LGR4: variants seen among roughly 807,000 people sequenced by gnomAD.
LGR4 encodes the protein leucine rich repeat containing G protein-coupled receptor 4.
A neutral mutation model predicts 84.8 loss-of-function variants in LGR4; 44 were observed. The ratio of observed to expected loss-of-function variants is 0.52; its 90% CI spans 0.41 to 0.67. LGR4 has a LOEUF of 0.67. Among genes scored for constraint, LGR4 ranks in the 30% least tolerant of loss-of-function variants. LGR4 has a pLI of 0.00. For missense variants in LGR4, 1,032 were observed against 1,131.4 expected (o/e 0.91, Z 1.26); for synonymous variants, 429 against 434.3 (o/e 0.99, Z 0.15).
At chr11:27,462,061 G>T (rs1864694279) in intron 1 of LGR4, among the ~76,000 whole-genome samples, 1 of 151,932 alleles carries the variant, frequency 6.6e-6, no homozygotes, top group East Asian at 1.9e-4. Flanking sequence ...TCGAACTCCT[G>T]ATCTCAGGTA....
chr11:27,471,546 G>A (rs1338570885), intron 1 of LGR4, among the ~76,000 whole-genome samples: 1 of 152,226 alleles, frequency 6.6e-6, no homozygotes, highest in Non-Finnish European at 1.5e-5. Flanking sequence ...GGTAGGTGCC[G>A]GGACGCACTA....
intron 1 of LGR4, among the ~76,000 whole-genome samples, chr11:27,463,851 T>C (rs1486927753): frequency 6.6e-6 from 1 of 152,208 alleles, no homozygotes; most frequent in Non-Finnish European, 1.5e-5. Flanking sequence ...ATTCATTTAA[T>C]GTTCCCTTCT....
At chr11:27,459,501 G>C (rs1234578624) in intron 1 of LGR4, among the ~76,000 whole-genome samples, 2 of 150,614 alleles carry the variant, frequency 1.3e-5, no homozygotes, top group Non-Finnish European at 3.0e-5. Flanking sequence ...TTTTGAGACA[G>C]AGTCTTGCTC....
intron 5 of LGR4, among the ~76,000 whole-genome samples, 176 bp downstream of exon 5, chr11:27,385,077 C>G (rs1863161200): frequency 6.6e-6 from 1 of 152,166 alleles, no homozygotes; most frequent in Non-Finnish European, 1.5e-5. Flanking sequence ...TTATCATCAG[C>G]TGGTAATGTT....
At chr11:27,377,254 C>G in intron 11 of LGR4, 31 bp from the exon 12 acceptor site, 1 of 1,130,444 alleles carries the variant, frequency 8.8e-7, no homozygotes, top group Non-Finnish European at 1.3e-6. Flanking sequence ...CAAATTAATG[C>G]TATGTTATCA....
At chr11:27,467,347 C>T (rs1271037325) in intron 1 of LGR4, among the ~76,000 whole-genome samples, 1 of 151,862 alleles carries the variant, frequency 6.6e-6, no homozygotes, top group African/African-American at 2.4e-5. Flanking sequence ...GCAGGAGGAC[C>T]ACGAGGTCAG....
At position 27,371,682 on chromosome 11, in the gene LGR4, T is replaced by G; in HGVS notation, c.1512A>C (p.Ala504=). The G allele has an allele frequency of 1.9e-6, 3 of 1,612,098 alleles. No homozygotes were observed. Among genetic ancestry groups the G allele is most frequent in the Non-Finnish European group, 2.5e-6 (3 of 1,178,622 alleles). ...VAQEKGTADA[A]NVTSTLENEE... ...CATTTTCAAGAGTGCTTGTGACATT[T>G]GCTGCATCAGCAGTACCTGAACATA... is the stretch of plus-strand genomic sequence containing the variant. Residue 504 remains alanine, a synonymous_variant, in exon 17 of 18, where the codon GCA becomes GCC. Coordinates refer to ENST00000379214, the MANE Select transcript of LGR4 (RefSeq NM_018490.5).
chr11:27,419,271 C>T (rs1471021773), intron 1 of LGR4, among the ~76,000 whole-genome samples: 1 of 152,062 alleles, frequency 6.6e-6, no homozygotes, highest in African/African-American at 2.4e-5. Flanking sequence ...ACAGATACTT[C>T]ACCAAATAAG....
At position 27,374,009 on chromosome 11, in the gene LGR4, T is replaced by C. The variant is rs1233701317; in HGVS notation, c.1219A>G (p.Arg407Gly). Residue 407 changes from arginine to glycine, a missense_variant, in exon 14 of 18, where the codon AGA (arginine) becomes GGA (glycine). Physicochemically the swap from Arg to Gly is moderately radical, Grantham distance 125. Transcript: ENST00000379214. Reference sequence around the variant, plus strand: ...ATTGGCCCAAGTGTGGCAAAAGCTCTACTGTGAATTTCATGTATCAGGTTT... The same window carrying C: ...ATTGGCCCAAGTGTGGCAAAAGCTCCACTGTGAATTTCATGTATCAGGTTT... ...SRNLIHEIHS[R>G]AFATLGPITN... 8 of 1,612,232 alleles carry C rather than the reference T, an allele frequency of 5.0e-6. No individual in the cohort carries two copies. In the South Asian group the frequency reaches 7.7e-5, roughly 15 times the overall value.
intron 17 of LGR4, among the ~76,000 whole-genome samples, chr11:27,369,502 A>G (rs1862841541): frequency 6.6e-6 from 1 of 152,198 alleles, no homozygotes; most frequent in African/African-American, 2.4e-5. Flanking sequence ...GAGGGTCTGG[A>G]ATGAGATGGT....
Position 27,432,741 on chromosome 11 carries a change from T to C in LGR4, c.186-19881A>G, listed in dbSNP as rs796702950. On this transcript the variant is annotated intron_variant, in intron 1 of 17. Coordinates refer to ENST00000379214, the MANE Select transcript of LGR4 (RefSeq NM_018490.5). Reference sequence around the variant, plus strand: ...ACTCCTCTCCACCCACTGGAAGAAATTGAGATTCTCCATCAGTTATACTAC... The same window carrying C: ...ACTCCTCTCCACCCACTGGAAGAAACTGAGATTCTCCATCAGTTATACTAC... Among the ~76,000 whole-genome samples the C allele has an allele frequency of 3.4e-4, 52 of 152,288 alleles. 1 individual carries two copies. Among genetic ancestry groups the C allele is most frequent in the African/African-American group, 9.4e-4 (39 of 41,562 alleles).
chr11:27,458,569 G>A (rs778776710), intron 1 of LGR4, among the ~76,000 whole-genome samples: 6 of 149,036 alleles, frequency 4.0e-5, no homozygotes, highest in Non-Finnish European at 5.9e-5. Flanking sequence ...ATGGAATTTC[G>A]CTCTTTTCAC....
Position 27,472,771 on chromosome 11 carries a change from C to T in LGR4, c.-469G>A, listed in dbSNP as rs1427235872. Reference sequence around the variant, plus strand: ...GCTCAATCTCTTCCCGTCCTTTTCCCTTCTAGGGTTGCACGCTCTGGTTCC... The same window carrying T: ...GCTCAATCTCTTCCCGTCCTTTTCCTTTCTAGGGTTGCACGCTCTGGTTCC... On this transcript the variant is annotated 5_prime_UTR_variant, in exon 1 of 18. Coordinates refer to ENST00000379214, the MANE Select transcript of LGR4 (RefSeq NM_018490.5). 2 of 336,766 alleles carry T rather than the reference C, an allele frequency of 5.9e-6. No individual in the cohort carries two copies. The highest frequency in any genetic ancestry group is 1.1e-5 in the Non-Finnish European group (2 of 187,026). 20.9% of individuals were successfully genotyped at this position (336,766 alleles called of 1,614,324 possible).
chr11:27,423,003 C>A (rs1863950624), intron 1 of LGR4, among the ~76,000 whole-genome samples: 1 of 152,136 alleles, frequency 6.6e-6, no homozygotes, highest in Non-Finnish European at 1.5e-5. Flanking sequence ...AACATCGTGA[C>A]ATTTTTTTCA....
At chr11:27,396,368 G>A (rs1863392040) in intron 2 of LGR4, among the ~76,000 whole-genome samples, 1 of 152,132 alleles carries the variant, frequency 6.6e-6, no homozygotes, top group Non-Finnish European at 1.5e-5. Context: ...TGCAGTTACG[G>A]AGAAGTTCCT....
At chr11:27,372,779 T>C (rs1340371156) in intron 15 of LGR4, among the ~76,000 whole-genome samples, 1 of 152,242 alleles carries the variant, frequency 6.6e-6, no homozygotes, top group Non-Finnish European at 1.5e-5. Flanking sequence ...CCAGGTCATT[T>C]GTGACTTTAT....
At chr11:27,385,739 CA>C (rs1863175503) in intron 4 of LGR4, among the ~76,000 whole-genome samples, 2 of 149,516 alleles carry the variant, frequency 1.3e-5, no homozygotes, top group South Asian at 4.2e-4. Flanking sequence ...AACTTTATAG[CA>C]GAAAGATATA....
rs768330958 is a variant in LGR4 at position 27,368,389 on chromosome 11, G to A, written c.2334C>T (p.Ser778=). ...FAPLITAISI[S]PEIMKSVTLI... is the part of the protein sequence containing the mutation. ...GAGTAACAGACTTCATTATTTCGGG[G>A]CTGATAGAGATTGCAGTGATCAATG... Residue 778 remains serine, a synonymous_variant, in exon 18 of 18, where the codon AGC becomes AGT. Transcript: ENST00000379214. 8.7e-6 allele frequency: 14 copies of A among 1,614,148 alleles called. 1 individual carries two copies. In the Admixed American group the frequency reaches 2.3e-4, roughly 27 times the overall value.
At chr11:27,384,735 A>G (rs976615810) in intron 5 of LGR4, among the ~76,000 whole-genome samples, 3 of 152,222 alleles carry the variant, frequency 2.0e-5, no homozygotes, top group African/African-American at 7.2e-5. Context: ...ATGAAGAAAA[A>G]TTTGATGAGC....
Sources: gnomAD v4.1 joint callset for allele counts (sites outside exome capture counted in the v4.1 genomes callset) on GRCh38, gnomAD v4.1.1 for gene constraint, MANE v1.5 for transcripts, NCBI Gene and HGNC (gene_info 2026-07-23, HGNC 2026-07-21) for gene names.